Variants in YBX3 observed in about 807,000 individuals in gnomAD.
YBX3 encodes Y-box binding protein 3.
YBX3 carries 29 observed loss-of-function variants against 42.4 expected under a neutral mutation model. The observed-to-expected ratio is 0.68, with a 90% confidence interval of 0.51 to 0.93. The LOEUF (loss-of-function observed/expected upper bound fraction) is 0.93. YBX3 is among the 40% of genes least tolerant of loss of function. The pLI, the probability that YBX3 is intolerant of heterozygous loss-of-function variation, is 0.00. For missense variants in YBX3, 517 were observed against 527.5 expected (o/e 0.98, Z 0.19); for synonymous variants, 195 against 189.8 (o/e 1.03, Z -0.22).
intron 6 of YBX3, among the ~76,000 whole-genome samples, chr12:10,706,732 A>C (rs1243103148): frequency 6.6e-6 from 1 of 152,100 alleles, no homozygotes; most frequent in Non-Finnish European, 1.5e-5. Context: ...TATAACTCCA[A>C]ATCAGCCAGG....
intron 6 of YBX3, 61 bp downstream of exon 6, chr12:10,709,847 G>A (rs1948178076): frequency 1.3e-6 from 2 of 1,586,050 alleles, no homozygotes; most frequent in Non-Finnish European, 1.7e-6. Context: ...AGGAGGAAGA[G>A]GAGGCAGAGA....
intron 4 of YBX3, among the ~76,000 whole-genome samples, chr12:10,713,865 G>A (rs1387268720): frequency 6.6e-6 from 1 of 152,184 alleles, no homozygotes; most frequent in Non-Finnish European, 1.5e-5. Flanking sequence ...CTCCACACAT[G>A]TAGTCCTTCT....
At chr12:10,710,580 A>G (rs1201773021) in intron 5 of YBX3, 2 of 1,253,624 alleles carry the variant, frequency 1.6e-6, no homozygotes, top group South Asian at 1.3e-5. Flanking sequence ...TAAAGTGTGG[A>G]TGGGATTTCT....
At chr12:10,706,178 T>C (rs1444487345) in intron 6 of YBX3, among the ~76,000 whole-genome samples, 1 of 152,228 alleles carries the variant, frequency 6.6e-6, no homozygotes, top group African/African-American at 2.4e-5. Flanking sequence ...CGTGCCTACC[T>C]TGATCTGCCC....
Position 10,702,065 on chromosome 12 carries a change from G to A in YBX3, c.948C>T (p.Ala316=). The A allele has an allele frequency of 1.9e-6, 3 of 1,614,176 alleles. No individual in the cohort carries two copies. The highest frequency in any genetic ancestry group is 2.2e-5 in the South Asian group (2 of 91,076). ...CAGACGGCTGGTTTGGACCACTGGT[G>A]GCTTGCTGATTTTCTTTATCTTCAG... is the stretch of plus-strand genomic sequence containing the variant. ...GEAEDKENQQ[A]TSGPNQPSVR... is the part of the protein sequence containing the mutation. The change falls in exon 8 of 10, where the codon GCC becomes GCT. Residue 316 remains alanine, a synonymous_variant. Coordinates refer to ENST00000228251, the MANE Select transcript of YBX3 (RefSeq NM_003651.5).
At chr12:10,714,808 G>T (rs1948241778) in intron 4 of YBX3, among the ~76,000 whole-genome samples, 1 of 151,326 alleles carries the variant, frequency 6.6e-6, no homozygotes, top group East Asian at 1.9e-4. Flanking sequence ...CCCCCAGGCT[G>T]GAGTGCAATG....
intron 2 of YBX3, among the ~76,000 whole-genome samples, chr12:10,718,725 T>C (rs1485877629): frequency 6.6e-6 from 1 of 152,180 alleles, no homozygotes; most frequent in East Asian, 1.9e-4. Context: ...GCTCAATGAC[T>C]CACTAGTTGG....
chr12:10,713,533 A>T (rs1203462627), intron 4 of YBX3, among the ~76,000 whole-genome samples, 200 bp from the exon 5 acceptor site: 1 of 152,234 alleles, frequency 6.6e-6, no homozygotes, highest in Non-Finnish European at 1.5e-5. Context: ...TTGTTTGCTC[A>T]TACAACCTGA....
chr12:10,710,895 A>T (rs1223754058), intron 5 of YBX3: 1 of 161,982 alleles, frequency 6.2e-6, no homozygotes, highest in Non-Finnish European at 1.3e-5. Context: ...TTAACATTTT[A>T]AGTTTATTTT....
chr12:10,713,515 T>C (rs2120955346), intron 4 of YBX3, among the ~76,000 whole-genome samples, 182 bp from the exon 5 acceptor site: 1 of 152,362 alleles, frequency 6.6e-6, no homozygotes, highest in South Asian at 2.1e-4. Context: ...GATTTAAACA[T>C]ATATGGCTTG....
rs756543303 is a variant in YBX3, at chr12:10,702,005, C to T, written c.1008G>A (p.Arg336=). 1.2e-6 allele frequency: 2 copies of T among 1,613,924 alleles called. No homozygotes were observed. Among genetic ancestry groups the T allele is most frequent in the Admixed American group, 3.3e-5 (2 of 60,000 alleles). ...RRGYRRPYNY[R]RRPRPPNAPS... ...GAGCGTTAGGAGGACGCGGGCGACG[C>T]CGGTAATTGTAGGGACGCCGGTATC... is the stretch of plus-strand genomic sequence containing the variant. The change falls in exon 8 of 10, where the codon CGG becomes CGA. Residue 336 remains arginine (R), a synonymous_variant. Transcript: ENST00000228251.
chr12:10,713,250 T>A lies in YBX3; in HGVS notation c.534A>T (p.Arg178Ser). The stretch of plus-strand genomic sequence containing the variant: ...CACGGCGCCTTCCATAGTAGCCACG[T>A]CTGTAACGGCGCCGATCTGCAGCGT... ...SRYAADRRRY[R>S]RGYYGRRRGP... Residue 178 changes from arginine (R) to serine (S), a missense_variant, in exon 5 of 10, where the codon AGA (arginine) becomes AGT (serine). Physicochemically the swap from Arg to Ser is moderately radical, Grantham distance 110. This residue lies in a region of YBX3 where 420 missense variants were observed against 408.5 expected (regional missense o/e 1.03). Coordinates refer to ENST00000228251, the MANE Select transcript of YBX3 (RefSeq NM_003651.5). 1 of 1,614,068 alleles carries A rather than the reference T, an allele frequency of 6.2e-7. No homozygotes were observed. The highest frequency in any genetic ancestry group is 8.5e-7 in the Non-Finnish European group (1 of 1,180,026).
chr12:10,711,334 T>C (rs1231236290), intron 5 of YBX3: 2 of 152,134 alleles, frequency 1.3e-5, no homozygotes, highest in African/African-American at 2.4e-5. Context: ...CCATTACTTT[T>C]TTTTACAGGA....
chr12:10,717,672 T>C (rs1465538235), intron 3 of YBX3: 1 of 154,228 alleles, frequency 6.5e-6, no homozygotes, highest in Non-Finnish European at 1.4e-5. Context: ...TTTACTTCAA[T>C]TGAGAGCTGC....
chr12:10,720,250 A>C (rs1311348100), intron 1 of YBX3, among the ~76,000 whole-genome samples: 1 of 152,238 alleles, frequency 6.6e-6, no homozygotes, highest in Non-Finnish European at 1.5e-5. Flanking sequence ...TTTTAAATTC[A>C]AAACTAAAAT....
chr12:10,723,170 G>T lies in YBX3; in HGVS notation c.-59C>A. ...CGGTGGCGGTTGGTCGGCGGTTAGC[G>T]CGGCTGGTGGTCGCGGCGGCCGGGG... is the stretch of plus-strand genomic sequence containing the variant. On this transcript the variant is annotated 5_prime_UTR_variant, in exon 1 of 10. Coordinates refer to ENST00000228251, the MANE Select transcript of YBX3 (RefSeq NM_003651.5). 1 of 1,185,708 alleles carries T rather than the reference G, an allele frequency of 8.4e-7. No individual in the cohort carries two copies. The highest frequency in any genetic ancestry group is 1.0e-6 in the Non-Finnish European group (1 of 958,388). 73.4% of individuals were successfully genotyped at this position (1,185,708 alleles called of 1,614,324 possible).
chr12:10,718,107 T>A lies in YBX3; in HGVS notation c.341A>T (p.Glu114Val). Residue 114 changes from glutamate (E) to valine (V), a missense_variant, in exon 3 of 10, where the codon GAA (glutamate) becomes GTA (valine). Around this residue, in one of 3 missense-constraint regions of YBX3, gnomAD observed 420 missense variants for 408.5 expected, o/e 1.03. Transcript: ENST00000228251. The stretch of plus-strand genomic sequence containing the variant: ...TCTTACCTGATGTACAAATACATCT[T>A]CTTTGGTGTCATTTCTGTTGAAAGA... ...YGFINRNDTKEDVFVHQTAIK... is the reference protein window; with the variant it reads ...YGFINRNDTKVDVFVHQTAIK... 1 of 1,612,450 alleles carries A rather than the reference T, an allele frequency of 6.2e-7. No individual in the cohort carries two copies. The highest frequency in any genetic ancestry group is 8.5e-7 in the Non-Finnish European group (1 of 1,179,264).
At chr12:10,722,808 CG>C in intron 1 of YBX3, 41 bp downstream of exon 1, 1 of 1,391,572 alleles carries the variant, frequency 7.2e-7, no homozygotes, top group South Asian at 1.8e-5. Flanking sequence ...CGGCTGGGCC[CG>C]CCCCACTACG....
In YBX3 at chr12:10,709,937, G is replaced by A. The variant is rs775300769; in HGVS notation, c.751C>T (p.Arg251Trp). 16 of 1,614,042 alleles carry A rather than the reference G, an allele frequency of 9.9e-6. No homozygotes were observed. Among genetic ancestry groups the A allele is most frequent in the Admixed American group, 1.7e-5 (1 of 60,012 alleles). ...ATTCTGTTGGGATGGGGTAAGACCC[G>A]TGAGCGACGGTCAAAGGTCTGTCCC... ...HVGQTFDRRS[R>W]VLPHPNRIQA... The change falls in exon 6 of 10, where the codon CGG becomes TGG. Residue 251 changes from arginine to tryptophan, a missense_variant. Arg to Trp is a moderately radical substitution (Grantham distance 101). Transcript: ENST00000228251.
Sources: allele counts gnomAD v4.1 joint callset (sites outside exome capture counted in the v4.1 genomes callset), GRCh38; gene constraint gnomAD v4.1.1; regional missense constraint gnomAD v4.1.1; transcripts MANE v1.5; gene names NCBI Gene and HGNC (gene_info 2026-07-23, HGNC 2026-07-21).